KCNK2: variants seen among roughly 807,000 people sequenced by gnomAD.
KCNK2 encodes the protein potassium channel subfamily K member 2.
KCNK2 carries 21 observed loss-of-function variants against 40.5 expected under a neutral mutation model. The observed-to-expected ratio is 0.52, with a 90% CI of 0.37 to 0.75. The LOEUF is 0.75. Among genes scored for constraint, KCNK2 ranks in the 30% least tolerant of loss-of-function variants. The pLI is 0.00. For synonymous variants in KCNK2, 191 were observed against 202.2 expected (o/e 0.94, Z 0.47); for missense variants, 399 against 531.6 (o/e 0.75, Z 2.45).
chr1:215,024,891 TTGCTCAAACAAATATATGTCTATAAA>T (rs1009177997), intron 1 of KCNK2, among the ~76,000 whole-genome samples: 1 of 152,042 alleles, frequency 6.6e-6, no homozygotes, highest in African/African-American at 2.4e-5. Flanking sequence ...ATCTTTCTTC[TTGCTCAAACAAATATATGTCTATAAA>T]ACATATGTTC....
At chr1:215,101,246 T>C (rs1024735867) in intron 2 of KCNK2, among the ~76,000 whole-genome samples, 1 of 152,014 alleles carries the variant, frequency 6.6e-6, no homozygotes, top group Non-Finnish European at 1.5e-5. Flanking sequence ...TTGAACGAGA[T>C]AATTTCAGAA....
intron 1 of KCNK2, among the ~76,000 whole-genome samples, chr1:215,021,535 A>ATTTT (rs1656786002): frequency 9.9e-6 from 1 of 101,500 alleles, no homozygotes; most frequent in African/African-American, 4.2e-5. Flanking sequence ...TGGGACAACC[A>ATTTT]TCTTTTTTTT....
At chr1:215,147,162 A>AT (rs944757194) in intron 3 of KCNK2, among the ~76,000 whole-genome samples, 15 of 151,920 alleles carry the variant, frequency 9.9e-5, no homozygotes, top group South Asian at 2.1e-4. Flanking sequence ...ATTTTTATTC[A>AT]TTTTTTTTCC....
upstream of KCNK2, chr1:215,081,680 A>AACTCTAGC (rs1355303535): frequency 6.6e-6 from 1 of 152,096 alleles, no homozygotes; most frequent in Non-Finnish European, 1.5e-5. Flanking sequence ...ATGGAAGAAA[A>AACTCTAGC]ACTCTAGCAA....
chr1:215,225,292 T>C (rs371011405), intron 6 of KCNK2, among the ~76,000 whole-genome samples: 1 of 152,320 alleles, frequency 6.6e-6, no homozygotes, highest in South Asian at 2.1e-4. Context: ...AAATGGTTTC[T>C]GTAGCTGACA....
chr1:215,022,857 T>A (rs140891601), intron 1 of KCNK2, among the ~76,000 whole-genome samples: 1 of 152,218 alleles, frequency 6.6e-6, no homozygotes, highest in African/African-American at 2.4e-5. Flanking sequence ...TTAATGTTTA[T>A]GCAAGGACTT....
intron 2 of KCNK2, among the ~76,000 whole-genome samples, chr1:215,119,330 CATTTACA>C (rs1326798502): frequency 1.3e-5 from 2 of 152,154 alleles, no homozygotes; most frequent in Admixed American, 6.5e-5. Flanking sequence ...ATTGAGACAG[CATTTACA>C]ATTTACAATT....
intron 6 of KCNK2, among the ~76,000 whole-genome samples, chr1:215,232,232 C>T (rs1012790697): frequency 1.3e-5 from 2 of 152,162 alleles, no homozygotes; most frequent in East Asian, 1.9e-4. Flanking sequence ...ATGCCATAGC[C>T]ATTATCCTTG....
intron 3 of KCNK2, among the ~76,000 whole-genome samples, chr1:215,139,047 T>C (rs778442018): frequency 1.3e-5 from 2 of 152,168 alleles, no homozygotes; most frequent in Non-Finnish European, 2.9e-5. Flanking sequence ...TCATTTAAAA[T>C]AAAATACTAT....
chr1:215,219,365 TA>T (rs1666081568), intron 6 of KCNK2, among the ~76,000 whole-genome samples: 1 of 152,252 alleles, frequency 6.6e-6, no homozygotes, highest in Non-Finnish European at 1.5e-5. Flanking sequence ...TTAGTTTAAA[TA>T]ATACATTCTT....
At chr1:215,167,717 A>G (rs1663511671) in intron 3 of KCNK2, among the ~76,000 whole-genome samples, 1 of 152,182 alleles carries the variant, frequency 6.6e-6, no homozygotes, top group Admixed American at 6.6e-5. Flanking sequence ...ACTTAAGCAT[A>G]TCTGAATACT....
intron 1 of KCNK2, among the ~76,000 whole-genome samples, chr1:215,008,512 A>T (rs1489031158): frequency 6.6e-6 from 1 of 152,138 alleles, no homozygotes; most frequent in Non-Finnish European, 1.5e-5. Flanking sequence ...ACTTTGGGCA[A>T]ATTACCTAAC....
intron 6 of KCNK2, among the ~76,000 whole-genome samples, chr1:215,228,787 T>A (rs971834105): frequency 1.4e-4 from 22 of 152,168 alleles, no homozygotes; most frequent in African/African-American, 5.3e-4. Flanking sequence ...AGAAAAAATT[T>A]TATTTATATA....
intron 5 of KCNK2, among the ~76,000 whole-genome samples, chr1:215,193,740 T>G (rs1310530513): frequency 6.6e-6 from 1 of 152,204 alleles, no homozygotes; most frequent in African/African-American, 2.4e-5. Context: ...CGAGAGACTT[T>G]TACCTATTCT....
At chr1:215,054,948 G>C (rs1217065807) in intron 1 of KCNK2, among the ~76,000 whole-genome samples, 2 of 152,110 alleles carry the variant, frequency 1.3e-5, no homozygotes, top group Non-Finnish European at 2.9e-5. Flanking sequence ...TGAACCTTGA[G>C]CACACAACTC....
At chr1:215,193,251 T>C (rs1664739090) in intron 5 of KCNK2, among the ~76,000 whole-genome samples, 2 of 152,170 alleles carry the variant, frequency 1.3e-5, no homozygotes, top group Non-Finnish European at 2.9e-5. Flanking sequence ...ACTTGCAATT[T>C]ACTGGCTGAA....
intron 4 of KCNK2, 30 bp from the exon 5 acceptor site, chr1:215,171,967 T>C (rs371146053): frequency 2.7e-6 from 4 of 1,491,880 alleles, no homozygotes; most frequent in Admixed American, 3.4e-5. Context: ...CATATATATA[T>C]ATACACACAC....
chr1:215,176,727 C>T (rs1156369938), intron 5 of KCNK2, among the ~76,000 whole-genome samples: 1 of 152,104 alleles, frequency 6.6e-6, no homozygotes, highest in Non-Finnish European at 1.5e-5. Context: ...TTTTCTTTAT[C>T]CAGTCTATCA....
At chr1:215,207,913 C>T (rs557632901) in intron 6 of KCNK2, among the ~76,000 whole-genome samples, 4 of 152,184 alleles carry the variant, frequency 2.6e-5, no homozygotes, top group African/African-American at 4.8e-5. Flanking sequence ...ACTTACACAC[C>T]GTTGGTTGGA....
Sources: allele counts gnomAD v4.1 joint callset (sites outside exome capture counted in the v4.1 genomes callset), GRCh38; gene constraint gnomAD v4.1.1; transcripts MANE v1.5; gene names NCBI Gene and HGNC (gene_info 2026-07-23, HGNC 2026-07-21).